Variants in EYA4 observed in about 807,000 individuals in gnomAD.
EYA4 encodes protein phosphatase EYA4.
Under a neutral mutation model 87.9 loss-of-function variants are expected in EYA4, and 31 were observed. The observed-to-expected ratio is 0.35, with a 90% CI of 0.27 to 0.48. The LOEUF is 0.48. Among genes scored for constraint, EYA4 ranks in the 20% least tolerant of loss-of-function variants. The pLI is 0.99. For synonymous variants in EYA4, 263 were observed against 270.6 expected (o/e 0.97, Z 0.28); for missense variants, 678 against 761.4 (o/e 0.89, Z 1.29).
intron 2 of EYA4, among the ~76,000 whole-genome samples, chr6:133,374,422 A>G (rs1201691213): frequency 6.6e-6 from 1 of 152,036 alleles, no homozygotes; most frequent in Non-Finnish European, 1.5e-5. Context: ...ACAGCCCAAT[A>G]CTAAAGGAGT....
At chr6:133,462,848 C>G in intron 9 of EYA4, 84 bp downstream of exon 9, 1 of 1,265,098 alleles carries the variant, frequency 7.9e-7, no homozygotes, top group Non-Finnish European at 1.2e-6. Flanking sequence ...AATATCCAAT[C>G]ATGAAGGTAG....
intron 5 of EYA4, among the ~76,000 whole-genome samples, chr6:133,448,397 C>A (rs543518222): frequency 2.0e-5 from 3 of 152,172 alleles, no homozygotes; most frequent in East Asian, 1.9e-4. Flanking sequence ...TATTAGTATT[C>A]TTTTCTTAAA....
intron 14 of EYA4, among the ~76,000 whole-genome samples, chr6:133,508,438 T>A (rs1487163664): frequency 6.6e-6 from 1 of 152,142 alleles, no homozygotes; most frequent in Non-Finnish European, 1.5e-5. Context: ...GTTTTTCTGT[T>A]GATCAGTATG....
intron 13 of EYA4, among the ~76,000 whole-genome samples, chr6:133,487,925 G>A (rs559189591): frequency 7.2e-5 from 11 of 152,222 alleles, no homozygotes; most frequent in Admixed American, 3.3e-4. Context: ...GCACCAAGTC[G>A]GCATGTGGGG....
intron 2 of EYA4, among the ~76,000 whole-genome samples, chr6:133,371,872 AT>A (rs990055651): frequency 6.6e-6 from 1 of 152,170 alleles, no homozygotes; most frequent in African/African-American, 2.4e-5. Flanking sequence ...CCAGAAAGCC[AT>A]TTTAATTGAG....
intron 2 of EYA4, among the ~76,000 whole-genome samples, chr6:133,330,524 C>T (rs1781844350): frequency 6.8e-6 from 1 of 146,318 alleles, no homozygotes; most frequent in African/African-American, 2.5e-5. Flanking sequence ...TGACAAATAT[C>T]AAAACTACAA....
Position 133,531,325 on chromosome 6 carries a change from G to C in EYA4, c.*2520G>C. 1.2e-6 allele frequency: 1 copy of C among 848,080 alleles called. No homozygotes were observed. The highest frequency in any genetic ancestry group is 1.9e-6 in the Non-Finnish European group (1 of 527,312). The allele number at this position is 848,080 out of a possible 1,614,324, so 52.5% of individuals were successfully genotyped here. ...AGCTTGGCCATGGGACGTTGAGTATGCACAAACTAGAACTCTTCCCTTCCC... is the reference window on the plus strand; with the variant it reads ...AGCTTGGCCATGGGACGTTGAGTATCCACAAACTAGAACTCTTCCCTTCCC... On this transcript the variant is annotated 3_prime_UTR_variant, in exon 20 of 20. Coordinates refer to ENST00000355286, the MANE Select transcript of EYA4 (RefSeq NM_004100.5).
intron 10 of EYA4, among the ~76,000 whole-genome samples, chr6:133,467,048 G>A (rs1339095435): frequency 6.6e-6 from 1 of 152,124 alleles, no homozygotes; most frequent in Non-Finnish European, 1.5e-5. Flanking sequence ...TGAATACATT[G>A]CCTGCAACAG....
At chr6:133,301,963 A>G (rs1779445681) in intron 2 of EYA4, among the ~76,000 whole-genome samples, 1 of 152,212 alleles carries the variant, frequency 6.6e-6, no homozygotes, top group South Asian at 2.1e-4. Flanking sequence ...AGAGAGAGGA[A>G]GTATCAGGTT....
chr6:133,304,251 T>A (rs1283259775), intron 2 of EYA4, among the ~76,000 whole-genome samples: 1 of 152,144 alleles, frequency 6.6e-6, no homozygotes, highest in Non-Finnish European at 1.5e-5. Flanking sequence ...AATTACTTAA[T>A]TATCTAGTGG....
intron 6 of EYA4, among the ~76,000 whole-genome samples, chr6:133,458,812 C>A (rs1794130359): frequency 6.6e-6 from 1 of 152,058 alleles, no homozygotes; most frequent in African/African-American, 2.4e-5. Context: ...ATTGCTTTGA[C>A]ACCATCAGAG....
At chr6:133,315,270 A>G (rs1215837095) in intron 2 of EYA4, among the ~76,000 whole-genome samples, 2 of 152,154 alleles carry the variant, frequency 1.3e-5, no homozygotes, top group African/African-American at 4.8e-5. Flanking sequence ...TCTGTTTTTT[A>G]TAGAATATTT....
At chr6:133,258,393 C>G (rs1370443218) in intron 1 of EYA4, among the ~76,000 whole-genome samples, 1 of 152,180 alleles carries the variant, frequency 6.6e-6, no homozygotes. Flanking sequence ...CGATCTTTTT[C>G]TTACTAGTTT....
Position 133,526,542 on chromosome 6 carries a change from C to G in EYA4, c.1839+1288C>G, listed in dbSNP as rs979277998. Reference sequence around the variant, plus strand: ...AGAAGTTTTGGTGACGTATTGGCAGCCATACTTGCTTTTCGATTACATTTA... The same window carrying G: ...AGAAGTTTTGGTGACGTATTGGCAGGCATACTTGCTTTTCGATTACATTTA... On this transcript the variant is annotated intron_variant, in intron 19 of 19. Transcript: ENST00000355286. 3.3e-5 allele frequency among the ~76,000 whole-genome samples: 5 copies of G among 152,260 alleles called. 1 individual carries two copies. The Middle Eastern group carries it at 0.01, about 311-fold the overall frequency.
chr6:133,246,350 T>C (rs1774407736), intron 1 of EYA4, among the ~76,000 whole-genome samples: 1 of 152,200 alleles, frequency 6.6e-6, no homozygotes, highest in South Asian at 2.1e-4. Context: ...TTCATATTTT[T>C]AAAGCTTTTA....
chr6:133,495,098 G>A (rs979163655), intron 13 of EYA4, among the ~76,000 whole-genome samples: 7 of 151,800 alleles, frequency 4.6e-5, no homozygotes, highest in South Asian at 2.1e-4. Context: ...GCAAAACCCC[G>A]TCTCTGCTAA....
chr6:133,513,207 A>G (rs770630694), intron 16 of EYA4, among the ~76,000 whole-genome samples, 169 bp downstream of exon 16: 1 of 152,172 alleles, frequency 6.6e-6, no homozygotes, highest in Non-Finnish European at 1.5e-5. Flanking sequence ...TTTAACTACA[A>G]AATAAAACAT....
chr6:133,283,148 G>A (rs1168249604), intron 2 of EYA4, among the ~76,000 whole-genome samples: 1 of 151,868 alleles, frequency 6.6e-6, no homozygotes, highest in African/African-American at 2.4e-5. Context: ...ACAAAAATTA[G>A]CCGGGCATGG....
chr6:133,329,775 G>A (rs950019949), intron 2 of EYA4, among the ~76,000 whole-genome samples: 1 of 152,042 alleles, frequency 6.6e-6, no homozygotes, highest in East Asian at 1.9e-4. Flanking sequence ...TTGTAGTAGT[G>A]TACAATATAT....
Sources: gnomAD v4.1 joint callset for allele counts (sites outside exome capture counted in the v4.1 genomes callset) on GRCh38, gnomAD v4.1.1 for gene constraint, MANE v1.5 for transcripts, NCBI Gene and HGNC (gene_info 2026-07-23, HGNC 2026-07-21) for gene names.